The following HMCN1 variants were observed in gnomAD, a reference collection of about 807,000 sequenced individuals.
HMCN1 encodes hemicentin 1, also known as hemicentin-1.
A neutral mutation model predicts 625.9 loss-of-function variants in HMCN1; 321 were observed. That is an observed-to-expected ratio of 0.51 (90% confidence interval 0.47 to 0.56). HMCN1 has a LOEUF of 0.56. Among genes scored for constraint, HMCN1 ranks in the 20% least tolerant of loss-of-function variants. HMCN1 has a pLI of 0.00. For synonymous variants in HMCN1, 2,425 were observed against 2,417.6 expected (o/e 1.00, Z -0.09); for missense variants, 6,588 against 6,887.3 (o/e 0.96, Z 1.54).
At chr1:186,105,443 T>C (rs1418796863) in intron 69 of HMCN1, among the ~76,000 whole-genome samples, 1 of 152,364 alleles carries the variant, frequency 6.6e-6, no homozygotes, top group East Asian at 1.9e-4. Context: ...ATTATGGATG[T>C]GGATGCTTTG....
In HMCN1 at chr1:186,019,555, A is replaced by G. The variant is rs776233119; in HGVS notation, c.5485A>G (p.Lys1829Glu). Residue 1829 changes from lysine (K) to glutamate (E), a missense_variant, in exon 35 of 107, where the codon AAG (lysine) becomes GAG (glutamate). By Grantham distance (56) the Lys-to-Glu change is moderately conservative. This residue lies in a region of HMCN1 where 4,628 missense variants were observed against 4,853.1 expected (regional missense o/e 0.95). Coordinates refer to ENST00000271588, the MANE Select transcript of HMCN1 (RefSeq NM_031935.3). ...CTTAAATATAGTTCCTCCAACAATC[A>G]AGTCCTCAGGCCTTTCTGAGAGAGT... ...EVTVHVPPTI[K>E]SSGLSERVVV... 3 of 1,610,148 alleles carry G rather than the reference A, an allele frequency of 1.9e-6. No individual in the cohort carries two copies. Among genetic ancestry groups the G allele is most frequent in the Non-Finnish European group, 2.5e-6 (3 of 1,176,762 alleles).
At chr1:185,963,123 T>C (rs2102559069) in intron 12 of HMCN1, among the ~76,000 whole-genome samples, 1 of 152,282 alleles carries the variant, frequency 6.6e-6, no homozygotes, top group East Asian at 1.9e-4. Flanking sequence ...GTGGGAAGTA[T>C]TTTATTTCAC....
intron 1 of HMCN1, among the ~76,000 whole-genome samples, chr1:185,752,164 T>C (rs1475014919): frequency 6.6e-6 from 1 of 152,184 alleles, no homozygotes; most frequent in Admixed American, 6.5e-5. Context: ...ATAACCTCTA[T>C]TATCTGTTAT....
At chr1:185,852,839 A>G (rs768420600) in intron 2 of HMCN1, among the ~76,000 whole-genome samples, 2 of 152,088 alleles carry the variant, frequency 1.3e-5, no homozygotes, top group African/African-American at 2.4e-5. Flanking sequence ...GTTTTGGAAT[A>G]TGTGCCTTGC....
At chr1:186,086,207 T>C (rs760590540) in intron 57 of HMCN1, 39 bp from the exon 58 acceptor site, 1 of 1,559,850 alleles carries the variant, frequency 6.4e-7, no homozygotes, top group Non-Finnish European at 8.8e-7. Context: ...TATATGTTGA[T>C]AACACCTGCT....
intron 20 of HMCN1, among the ~76,000 whole-genome samples, chr1:185,988,722 C>A (rs1226538256): frequency 2.6e-5 from 4 of 152,170 alleles, no homozygotes; most frequent in Non-Finnish European, 5.9e-5. Context: ...TGGATTTCAA[C>A]CCCAGCTCTA....
At chr1:186,030,609 T>C (rs1027611525) in intron 36 of HMCN1, among the ~76,000 whole-genome samples, 18 of 152,130 alleles carry the variant, frequency 1.2e-4, no homozygotes, top group African/African-American at 4.1e-4. Flanking sequence ...CAACATACAG[T>C]TGAATTTTTA....
At chr1:186,089,729 G>A (rs980317502) in intron 63 of HMCN1, among the ~76,000 whole-genome samples, 6 of 151,790 alleles carry the variant, frequency 4.0e-5, no homozygotes, top group African/African-American at 1.5e-4. Context: ...ATGCATATAG[G>A]ACCTAGTCCA....
intron 80 of HMCN1, among the ~76,000 whole-genome samples, chr1:186,121,285 C>T (rs1362226384): frequency 1.3e-5 from 2 of 152,134 alleles, no homozygotes; most frequent in Non-Finnish European, 2.9e-5. Context: ...GCAAATAAAT[C>T]TTTTGAAGGG....
intron 86 of HMCN1, among the ~76,000 whole-genome samples, chr1:186,135,526 C>T (rs1358984854): frequency 6.6e-6 from 1 of 152,156 alleles, no homozygotes; most frequent in East Asian, 1.9e-4. Context: ...GTCATGTAGA[C>T]ATCGCTATAT....
intron 1 of HMCN1, among the ~76,000 whole-genome samples, chr1:185,837,381 C>T (rs954788483): frequency 9.2e-5 from 14 of 151,734 alleles, no homozygotes; most frequent in African/African-American, 3.4e-4. Flanking sequence ...GCTTTGTTCC[C>T]GTTGTTTTTT....
chr1:185,977,429 A>G (rs534787405), intron 15 of HMCN1, among the ~76,000 whole-genome samples: 3 of 152,262 alleles, frequency 2.0e-5, no homozygotes, highest in Non-Finnish European at 4.4e-5. Flanking sequence ...TATAAAGCCA[A>G]CTTATTTATA....
chr1:186,093,401 T>C (rs933677576), intron 65 of HMCN1, 85 bp from the exon 66 acceptor site: 108 of 1,578,994 alleles, frequency 6.8e-5, no homozygotes, highest in Non-Finnish European at 8.4e-5. Flanking sequence ...AATTTTGAAA[T>C]GAGAGCAATT....
intron 30 of HMCN1, among the ~76,000 whole-genome samples, chr1:186,007,753 C>T (rs1653736928): frequency 1.3e-5 from 2 of 152,144 alleles, no homozygotes; most frequent in Admixed American, 1.3e-4. Context: ...TTTCTCCCAG[C>T]TATGTCCCCA....
intron 105 of HMCN1, 54 bp downstream of exon 105, chr1:186,182,341 G>T: frequency 6.2e-7 from 1 of 1,607,632 alleles, no homozygotes; most frequent in Non-Finnish European, 8.5e-7. Context: ...AACCAACAGA[G>T]AGTGTGAGAA....
intron 40 of HMCN1, among the ~76,000 whole-genome samples, chr1:186,042,134 G>A (rs1656250145): frequency 6.6e-6 from 1 of 152,038 alleles, no homozygotes; most frequent in African/African-American, 2.4e-5. Flanking sequence ...ACTAGCAAAG[G>A]GTTCTCTATG....
chr1:186,019,759 G>C, intron 35 of HMCN1, 64 bp downstream of exon 35: 1 of 1,382,156 alleles, frequency 7.2e-7, no homozygotes. Context: ...GAAATATCAA[G>C]TTATTCTTTC....
chr1:186,017,098 T>C, intron 33 of HMCN1, 27 bp downstream of exon 33: 1 of 1,178,218 alleles, frequency 8.5e-7, no homozygotes, highest in Non-Finnish European at 1.3e-6. Context: ...GTCTTCTAAA[T>C]ACCTCCTGCT....
chr1:186,135,251 C>A (rs1411616332), intron 86 of HMCN1, among the ~76,000 whole-genome samples: 1 of 152,160 alleles, frequency 6.6e-6, no homozygotes, highest in Non-Finnish European at 1.5e-5. Flanking sequence ...TCACTATAGA[C>A]ACTGTTAATA....
Sources: allele counts gnomAD v4.1 joint callset (sites outside exome capture counted in the v4.1 genomes callset), GRCh38; gene constraint gnomAD v4.1.1; regional missense constraint gnomAD v4.1.1; transcripts MANE v1.5; gene names NCBI Gene and HGNC (gene_info 2026-07-23, HGNC 2026-07-21).